The following UGT1A10 variants were observed in gnomAD, a reference collection of about 807,000 sequenced individuals.
UGT1A10 encodes the protein UDP-glucuronosyltransferase 1A10.
In UGT1A10, 49 loss-of-function variants were observed where a neutral mutation model predicts 45.8. The observed-to-expected ratio is 1.07, with a 90% CI of 0.85 to 1.36. UGT1A10 has a LOEUF of 1.36. Among genes scored for constraint, UGT1A10 ranks in the 40% most tolerant of loss-of-function variants. UGT1A10 has a pLI of 0.00. For missense variants in UGT1A10, 745 were observed against 668.6 expected (o/e 1.11, Z -1.26); for synonymous variants, 284 against 249.7 (o/e 1.14, Z -1.29).
chr2:233,642,732 C>T (rs1200538010), intron 1 of UGT1A10, among the ~76,000 whole-genome samples: 3 of 152,196 alleles, frequency 2.0e-5, no homozygotes, highest in Non-Finnish European at 4.4e-5. Context: ...TAGGGGGCAC[C>T]CCAAGCCTAG....
intron 1 of UGT1A10, chr2:233,647,904 TC>T: frequency 6.3e-7 from 1 of 1,578,798 alleles, no homozygotes; most frequent in South Asian, 1.1e-5. Flanking sequence ...GAAGTTAGCC[TC>T]CAGGGAAGGT....
chr2:233,668,629 A>G (rs970182922), intron 1 of UGT1A10, among the ~76,000 whole-genome samples: 1 of 152,250 alleles, frequency 6.6e-6, no homozygotes, highest in Admixed American at 6.5e-5. Context: ...AGGAATTGCC[A>G]CACTGTCTTC....
At chr2:233,758,273 A>AG (rs1696835032) in intron 1 of UGT1A10, among the ~76,000 whole-genome samples, 1 of 152,232 alleles carries the variant, frequency 6.6e-6, no homozygotes, top group Non-Finnish European at 1.5e-5. Flanking sequence ...TTCTTGGTCA[A>AG]GGGCAGAGCT....
intron 1 of UGT1A10, among the ~76,000 whole-genome samples, chr2:233,720,993 G>A (rs776198260): frequency 1.1e-4 from 17 of 151,662 alleles, no homozygotes; most frequent in Non-Finnish European, 2.1e-4. Context: ...TTACAGGCAA[G>A]AGCCACCAAG....
At chr2:233,712,212 A>T (rs1393545804) in intron 1 of UGT1A10, among the ~76,000 whole-genome samples, 1 of 152,178 alleles carries the variant, frequency 6.6e-6, no homozygotes, top group Non-Finnish European at 1.5e-5. Context: ...GGTGAGCAGG[A>T]GCTCCCTGAA....
At chr2:233,734,939 T>C (rs1485596557) in intron 1 of UGT1A10, among the ~76,000 whole-genome samples, 1 of 152,222 alleles carries the variant, frequency 6.6e-6, no homozygotes, top group Non-Finnish European at 1.5e-5. Flanking sequence ...TACAATCATA[T>C]GGTCAGTTTT....
intron 1 of UGT1A10, chr2:233,719,524 C>A: frequency 6.2e-7 from 1 of 1,613,952 alleles, no homozygotes; most frequent in South Asian, 1.1e-5. Flanking sequence ...GCAAGTCTTG[C>A]CTCTGAGCTT....
rs1017104769 is a variant in UGT1A10, at chr2:233,772,683, C to T, written c.*124C>T. On this transcript the variant is annotated 3_prime_UTR_variant, in exon 5 of 5. Transcript: ENST00000344644. The stretch of plus-strand genomic sequence containing the variant: ...GAAATACTTTGCATAAATTAATCAG[C>T]CCCAGAGTGCTTTAAAAAATTCTCT... 4 of 1,495,776 alleles carry T rather than the reference C, an allele frequency of 2.7e-6. No individual in the cohort carries two copies. Among genetic ancestry groups the T allele is most frequent in the Admixed American group, 4.9e-5 (2 of 41,024 alleles). 92.7% of individuals were successfully genotyped at this position (1,495,776 alleles called of 1,614,324 possible).
chr2:233,748,318 C>T (rs1693914102), intron 1 of UGT1A10, among the ~76,000 whole-genome samples: 1 of 151,718 alleles, frequency 6.6e-6, no homozygotes, highest in African/African-American at 2.4e-5. Context: ...TGGACTAGGA[C>T]TGATGTGACT....
At chr2:233,754,205 G>A (rs935702131) in intron 1 of UGT1A10, 1 of 163,140 alleles carries the variant, frequency 6.1e-6, no homozygotes, top group African/African-American at 2.4e-5. Context: ...AAACATTGAA[G>A]TCAAATGATT....
intron 1 of UGT1A10, among the ~76,000 whole-genome samples, chr2:233,650,619 A>C (rs2073715150): frequency 1.3e-5 from 2 of 152,124 alleles, no homozygotes; most frequent in South Asian, 4.2e-4. Context: ...TTTTCCCATT[A>C]ACTTTTTTTT....
At chr2:233,691,675 A>G (rs539238646) in intron 1 of UGT1A10, 89 of 967,552 alleles carry the variant, frequency 9.2e-5, no homozygotes, top group Non-Finnish European at 1.1e-4. Flanking sequence ...GCCTCAGTTG[A>G]GAAACCTGAA....
chr2:233,703,365 T>A (rs919646381), intron 1 of UGT1A10, among the ~76,000 whole-genome samples: 2 of 152,170 alleles, frequency 1.3e-5, no homozygotes, highest in Non-Finnish European at 2.9e-5. Context: ...AACTTTAGGT[T>A]TATCAATTTT....
chr2:233,650,406 T>C (rs1246656156), intron 1 of UGT1A10, among the ~76,000 whole-genome samples: 2 of 152,270 alleles, frequency 1.3e-5, no homozygotes, highest in East Asian at 3.8e-4. Context: ...TTGTGTAAAC[T>C]GTCCTGACTG....
chr2:233,660,299 C>G (rs2073938623), intron 1 of UGT1A10, among the ~76,000 whole-genome samples: 2 of 152,148 alleles, frequency 1.3e-5, no homozygotes, highest in African/African-American at 4.8e-5. Flanking sequence ...GTGTAATGAG[C>G]CTTAAAGTGC....
rs192581947 is a variant in UGT1A10 at position 233,649,087 on chromosome 2, C to A, written c.855+11710C>A. 1.2e-4 allele frequency: 101 copies of A among 866,046 alleles called. No individual in the cohort carries two copies. In the African/African-American group the frequency reaches 1.7e-3, roughly 14 times the overall value. The allele number at this position is 866,046 out of a possible 1,614,324, so 53.6% of individuals were successfully genotyped here. A position where few individuals can be genotyped will look rare whatever the true frequency, so the allele number is the denominator to read the frequency against. The stretch of plus-strand genomic sequence containing the variant: ...CTGGATTTGAATATTTAAAAAGATT[C>A]CTTACGGAACTGGGATTTGACATTT... On this transcript the variant is annotated intron_variant, in intron 1 of 4. Transcript: ENST00000344644.
intron 1 of UGT1A10, among the ~76,000 whole-genome samples, chr2:233,667,238 A>G (rs1032850676): frequency 2.0e-5 from 3 of 152,188 alleles, no homozygotes; most frequent in African/African-American, 7.2e-5. Context: ...GACTTCCACA[A>G]TGGTTGAACT....
chr2:233,675,078 C>T (rs550742969), intron 1 of UGT1A10, among the ~76,000 whole-genome samples: 1 of 152,188 alleles, frequency 6.6e-6, no homozygotes, highest in Non-Finnish European at 1.5e-5. Flanking sequence ...TGTGCAGTGT[C>T]CCAGACCCTG....
At position 233,693,901 on chromosome 2, in the gene UGT1A10, C is replaced by T. The variant is rs780268498; in HGVS notation, c.855+56524C>T. On this transcript the variant is annotated intron_variant, in intron 1 of 4. Transcript: ENST00000344644. ...TTATTTCTTTTGGACTGCCTTGTTT[C>T]TTCCAGGCTCTGTCCTCCCTCACTC... is the stretch of plus-strand genomic sequence containing the variant. The T allele has an allele frequency of 3.7e-6, 6 of 1,613,394 alleles. No homozygotes were observed. The South Asian group carries it at 5.5e-5, about 15-fold the overall frequency.
Sources: allele counts gnomAD v4.1 joint callset (sites outside exome capture counted in the v4.1 genomes callset), GRCh38; gene constraint gnomAD v4.1.1; transcripts MANE v1.5; gene names NCBI Gene and HGNC (gene_info 2026-07-23, HGNC 2026-07-21).